RNLS: variants seen among roughly 807,000 people sequenced by gnomAD.
RNLS encodes renalase.
Under a neutral mutation model 39.8 loss-of-function variants are expected in RNLS, and 39 were observed. That is an observed-to-expected ratio of 0.98 (90% CI 0.76 to 1.28). RNLS has a LOEUF of 1.28. Ranked by LOEUF, RNLS falls within the 50% of genes most tolerant of loss-of-function variation. The pLI is 0.00. For missense variants in RNLS, 410 were observed against 413.3 expected (o/e 0.99, Z 0.07); for synonymous variants, 147 against 150.7 (o/e 0.98, Z 0.18).
At chr10:88,285,625 CCAAA>C (rs1453828946) in intron 6 of RNLS, 119 bp from the exon 7 acceptor site, 10 of 840,528 alleles carry the variant, frequency 1.2e-5, no homozygotes, top group Admixed American at 2.7e-5. Flanking sequence ...ACAAGAAGCA[CCAAA>C]CAAACAAAAA....
chr10:88,210,639 T>C, the RNLS span, among the ~76,000 whole-genome samples: 3 of 152,200 alleles, frequency 2.0e-5, no homozygotes, highest in Non-Finnish European at 4.4e-5. Flanking sequence ...TTTCTTCTTC[T>C]TTTTGAATCT....
At chr10:88,508,740 A>C (rs1845929836) in intron 4 of RNLS, among the ~76,000 whole-genome samples, 1 of 152,084 alleles carries the variant, frequency 6.6e-6, no homozygotes, top group African/African-American at 2.4e-5. Context: ...TGCTTTCCCA[A>C]TATTCTACTC....
chr10:88,356,416 TG>T (rs1272838188), intron 5 of RNLS, among the ~76,000 whole-genome samples: 4 of 152,224 alleles, frequency 2.6e-5, no homozygotes. Context: ...CACGGCTATT[TG>T]TTTAATTGGA....
At chr10:88,234,343 G>A in the RNLS span, among the ~76,000 whole-genome samples, 6 of 151,992 alleles carry the variant, frequency 3.9e-5, no homozygotes, top group Non-Finnish European at 8.8e-5. Context: ...TTCCTGGCAC[G>A]GTGAATTTGG....
chr10:88,547,420 A>G (rs1228542189), intron 4 of RNLS, among the ~76,000 whole-genome samples: 2 of 152,246 alleles, frequency 1.3e-5, no homozygotes, highest in African/African-American at 4.8e-5. Context: ...TACAAAATCT[A>G]CTAATATACA....
At chr10:88,269,974 A>G (rs942599313), downstream of RNLS, among the ~76,000 whole-genome samples, 1 of 152,144 alleles carries the variant, frequency 6.6e-6, no homozygotes, top group African/African-American at 2.4e-5. Context: ...CAGCCTCCCG[A>G]GTAGCTGGGA....
intron 5 of RNLS, among the ~76,000 whole-genome samples, chr10:88,344,038 G>A (rs1848144397): frequency 6.6e-6 from 1 of 152,004 alleles, no homozygotes; most frequent in Admixed American, 6.6e-5. Flanking sequence ...TGTTATTTTG[G>A]CCTACTCAGC....
At chr10:88,213,253 C>T in the RNLS span, among the ~76,000 whole-genome samples, 7 of 152,102 alleles carry the variant, frequency 4.6e-5, no homozygotes, top group African/African-American at 1.7e-4. Flanking sequence ...AGGAATTGAA[C>T]AAACGATGTA....
At position 88,297,679 on chromosome 10, in the gene RNLS, T is replaced by C. The variant is rs185137214; in HGVS notation, c.877-12173A>G. ...TAGCATGTATCAGTACTTCATCCCTTTTTATGGCTGAATGATATTCCCCTG... is the reference window on the plus strand; with the variant it reads ...TAGCATGTATCAGTACTTCATCCCTCTTTATGGCTGAATGATATTCCCCTG... On this transcript the variant is annotated intron_variant, in intron 6 of 6. Coordinates refer to ENST00000331772, the MANE Select transcript of RNLS (RefSeq NM_001031709.3). 3.6e-3 allele frequency among the ~76,000 whole-genome samples: 541 copies of C among 152,318 alleles called. 5 individuals are homozygous for C. Among genetic ancestry groups the C allele is most frequent in the African/African-American group, 0.011 (474 of 41,584 alleles).
At chr10:88,441,581 G>C (rs1386141071) in intron 4 of RNLS, among the ~76,000 whole-genome samples, 1 of 152,280 alleles carries the variant, frequency 6.6e-6, no homozygotes, top group Non-Finnish European at 1.5e-5. Flanking sequence ...GGGATATTTA[G>C]AATTAATTCT....
chr10:88,422,941 C>T (rs1342673501), intron 4 of RNLS, among the ~76,000 whole-genome samples: 11 of 151,988 alleles, frequency 7.2e-5, no homozygotes, highest in South Asian at 4.1e-4. Flanking sequence ...TTTTAAAGAA[C>T]GGTCTTCTAT....
At chr10:88,478,863 A>ATTTCTTTCTTTCTCTTTC (rs541478309) in intron 4 of RNLS, among the ~76,000 whole-genome samples, 1 of 146,050 alleles carries the variant, frequency 6.8e-6, no homozygotes, top group Non-Finnish European at 1.5e-5. Context: ...TCTTTCTTTC[A>ATTTCTTTCTTTCTCTTTC]TTTCTTTCTT....
chr10:88,255,844 T>C, the RNLS span, among the ~76,000 whole-genome samples: 544 of 152,320 alleles, frequency 3.6e-3, 2 homozygotes, highest in African/African-American at 0.011. Flanking sequence ...AGTTTCCCCC[T>C]AGGGCAGCAC....
intron 5 of RNLS, among the ~76,000 whole-genome samples, chr10:88,334,220 T>A (rs1007612403): frequency 2.2e-4 from 34 of 152,238 alleles, no homozygotes; most frequent in Admixed American, 2.2e-3. Flanking sequence ...TTTCTCCACA[T>A]TCTTAACACT....
At chr10:88,573,169 A>C (rs1422805256) in intron 3 of RNLS, 108 bp from the exon 4 acceptor site, 2 of 900,746 alleles carry the variant, frequency 2.2e-6, no homozygotes, top group East Asian at 5.1e-5. Flanking sequence ...AATGGCCAAG[A>C]CTGTCTTCTA....
At chr10:88,214,092 A>G in the RNLS span, among the ~76,000 whole-genome samples, 1 of 152,100 alleles carries the variant, frequency 6.6e-6, no homozygotes, top group Non-Finnish European at 1.5e-5. Context: ...CTCAAGTTTC[A>G]TGGGCAGTAG....
intron 4 of RNLS, among the ~76,000 whole-genome samples, chr10:88,396,748 GGTGCACTTT>G (rs1318424808): frequency 1.3e-5 from 2 of 149,246 alleles, no homozygotes; most frequent in African/African-American, 4.9e-5. Flanking sequence ...CTCTATAAGA[GGTGCACTTT>G]AGATCCTAGG....
chr10:88,491,347 GT>G (rs772161711), intron 4 of RNLS, among the ~76,000 whole-genome samples: 6 of 152,284 alleles, frequency 3.9e-5, no homozygotes, highest in Non-Finnish European at 8.8e-5. Context: ...CTTCTCATCT[GT>G]GCCTGTTAGG....
chr10:88,528,936 G>A (rs993899043), intron 4 of RNLS, among the ~76,000 whole-genome samples: 1 of 151,928 alleles, frequency 6.6e-6, no homozygotes, highest in African/African-American at 2.4e-5. Flanking sequence ...ATCTAATGTG[G>A]TTAACTGGAT....
Sources: allele counts gnomAD v4.1 joint callset (sites outside exome capture counted in the v4.1 genomes callset), GRCh38; gene constraint gnomAD v4.1.1; transcripts MANE v1.5; gene names NCBI Gene and HGNC (gene_info 2026-07-23, HGNC 2026-07-21).